The following MAPK8IP2 variants were observed in gnomAD, a reference collection of about 807,000 sequenced individuals.
The protein encoded by MAPK8IP2 is C-Jun-amino-terminal kinase-interacting protein 2.
MAPK8IP2 carries 15 observed loss-of-function variants against 75.6 expected under a neutral mutation model. The observed-to-expected ratio is 0.20, with a 90% CI of 0.13 to 0.31. The LOEUF (loss-of-function observed/expected upper bound fraction) is 0.31, where lower values mean the gene tolerates loss of function less well. MAPK8IP2 is among the 10% of genes least tolerant of loss of function. The pLI is 1.00. For missense variants in MAPK8IP2, 1,089 were observed against 1,211.2 expected (o/e 0.90, Z 1.50); for synonymous variants, 632 against 554.5 (o/e 1.14, Z -1.96).
intron 10 of MAPK8IP2, among the ~76,000 whole-genome samples, chr22:50,609,457 C>A (rs1307141301): frequency 6.6e-6 from 1 of 152,154 alleles, no homozygotes; most frequent in South Asian, 2.1e-4. Context: ...GACTTGAACG[C>A]GGCATTTGAG....
chr22:50,605,503 C>A, intron 6 of MAPK8IP2, 59 bp from the exon 7 acceptor site: 2 of 1,606,794 alleles, frequency 1.2e-6, no homozygotes, highest in Non-Finnish European at 8.5e-7. Flanking sequence ...TCACGGAACG[C>A]CAGTGGACAC....
chr22:50,610,119 C>T lies in MAPK8IP2; in HGVS notation c.2304-93C>T. On this transcript the variant is annotated intron_variant, in intron 10 of 11. Transcript: ENST00000329492. This position sits in a 1 kb window ranked among gnomAD's most constrained non-coding sequence, Gnocchi z 4.3. ...CCTGTCCCTTACCCTCTCCCCAAGCCCTTTGTTCCTGCCTCTTCTCTCTAC... is the reference window on the plus strand; with the variant it reads ...CCTGTCCCTTACCCTCTCCCCAAGCTCTTTGTTCCTGCCTCTTCTCTCTAC... 4.5e-6 allele frequency: 4 copies of T among 886,948 alleles called. No individual in the cohort carries two copies. The highest frequency in any genetic ancestry group is 4.2e-5 in the South Asian group (3 of 70,876). The allele number at this position is 886,948 out of a possible 1,614,324, so 54.9% of individuals were successfully genotyped here. A position where few individuals can be genotyped will look rare whatever the true frequency, so the allele number is the denominator to read the frequency against.
chr22:50,603,805 G>C lies in MAPK8IP2; in HGVS notation c.542-36G>C, dbSNP rs2070984792. On this transcript the variant is annotated intron_variant, in intron 4 of 11. Transcript: ENST00000329492. ...CTGGCTGCTGGAAGAGGCCTGGGTG[G>C]TGCAGAGAGGGTGACCCCACCTCCC... 3.3e-6 allele frequency: 5 copies of C among 1,529,280 alleles called. No homozygotes were observed. In the South Asian group the frequency reaches 4.9e-5, roughly 15 times the overall value. 94.7% of individuals were successfully genotyped at this position (1,529,280 alleles called of 1,614,324 possible).
Position 50,604,157 on chromosome 22 carries a change from C to T in MAPK8IP2, c.858C>T (p.Ser286=), listed in dbSNP as rs2070996264. The T allele has an allele frequency of 1.9e-6, 3 of 1,552,204 alleles. No individual in the cohort carries two copies. The highest frequency in any genetic ancestry group is 8.6e-7 in the Non-Finnish European group (1 of 1,157,850). ...TGAGCAGCGATGGCGGAAGCAGCAGCAGCGGCCGCTCCTCGCACCTCACCA... is the reference window on the plus strand; with the variant it reads ...TGAGCAGCGATGGCGGAAGCAGCAGTAGCGGCCGCTCCTCGCACCTCACCA... The part of the protein sequence containing the change: ...LELSSDGGSS[S]SGRSSHLTNS... Residue 286 remains serine (S), a synonymous_variant, in exon 5 of 12, where the codon AGC becomes AGT. Coordinates refer to ENST00000329492, the MANE Select transcript of MAPK8IP2 (RefSeq NM_012324.6).
chr22:50,607,561 G>T lies in MAPK8IP2; in HGVS notation c.2303+570G>T, dbSNP rs1368094614. 6.6e-6 allele frequency among the ~76,000 whole-genome samples: 1 copy of T among 152,118 alleles called. No homozygotes were observed. Among genetic ancestry groups the T allele is most frequent in the Non-Finnish European group, 1.5e-5 (1 of 67,996 alleles). On this transcript the variant is annotated intron_variant, in intron 10 of 11. Coordinates refer to ENST00000329492, the MANE Select transcript of MAPK8IP2 (RefSeq NM_012324.6). This position sits in a 1 kb window ranked among gnomAD's most constrained non-coding sequence, Gnocchi z 5.6. ...TGGGGGCTGCTGAGGTTATACAGGT[G>T]CTATGTCCTGAGACCAAGTGTGCAG...
Position 50,605,024 on chromosome 22 carries a change from G to A in MAPK8IP2, c.1725G>A (p.Lys575=), listed in dbSNP as rs757641767. 3.1e-6 allele frequency: 5 copies of A among 1,612,594 alleles called. No individual in the cohort carries two copies. The African/African-American group carries it at 5.3e-5, about 17-fold the overall frequency. The change falls in exon 5 of 12, where the codon AAG becomes AAA. Residue 575 remains lysine (K), a synonymous_variant. Transcript: ENST00000329492. ...GCCCTGACCTCACTTTCTCCAAGAA[G>A]TTCCTCAATGTCTTCGTCAACAGCA... ...PDSPDLTFSK[K]FLNVFVNSTS...
rs1207449441 is a variant in MAPK8IP2 at position 50,612,404 on chromosome 22, A to G, written c.*1625A>G. 1 of 152,150 alleles carries G rather than the reference A, an allele frequency of 6.6e-6. No individual in the cohort carries two copies. Among genetic ancestry groups the G allele is most frequent in the Non-Finnish European group, 1.5e-5 (1 of 68,014 alleles). 9.4% of individuals were successfully genotyped at this position (152,150 alleles called of 1,614,324 possible). On this transcript the variant is annotated 3_prime_UTR_variant, in exon 12 of 12. Coordinates refer to ENST00000329492, the MANE Select transcript of MAPK8IP2 (RefSeq NM_012324.6). ...AGGATTCGTGCAACACCAGGAAGAC[A>G]ACAGTTGAAGGTTCCTTAGTGAGCT... is the stretch of plus-strand genomic sequence containing the variant.
At chr22:50,609,102 C>T (rs754002128) in intron 10 of MAPK8IP2, among the ~76,000 whole-genome samples, 2 of 152,170 alleles carry the variant, frequency 1.3e-5, no homozygotes, top group East Asian at 1.9e-4. Context: ...CCCCCGTCCC[C>T]GGTCCCTTGC....
intron 10 of MAPK8IP2, chr22:50,609,844 G>C (rs1017796135): frequency 1.2e-5 from 6 of 518,070 alleles, no homozygotes; most frequent in South Asian, 4.3e-5. Context: ...AGGCCCGCAG[G>C]AGGAGGCCTG....
chr22:50,601,518 GGAGGAGA>G (rs1163205213), intron 1 of MAPK8IP2: 43 of 425,072 alleles, frequency 1.0e-4, no homozygotes, highest in Non-Finnish European at 1.8e-4. Flanking sequence ...GCGAGTGGAG[GGAGGAGA>G]GGCTGCTGGC....
intron 1 of MAPK8IP2, chr22:50,601,454 T>TGGAG: frequency 4.0e-6 from 1 of 252,828 alleles, no homozygotes; most frequent in Non-Finnish European, 7.9e-6. Context: ...CGCTGCCGCG[T>TGGAG]TGCAGCTCCC....
chr22:50,606,836 G>T, intron 9 of MAPK8IP2, 71 bp downstream of exon 9: 2 of 1,594,044 alleles, frequency 1.3e-6, no homozygotes, highest in East Asian at 4.5e-5. Context: ...ACGGGGCCAG[G>T]CTGGCAGGGG....
rs2070946068 is a variant in MAPK8IP2, at chr22:50,601,996, TG to T, written c.171+103del. The T allele has an allele frequency of 6.6e-6, 6 of 902,942 alleles. No individual in the cohort carries two copies. The Admixed American group carries it at 1.2e-4, about 17-fold the overall frequency. 55.9% of individuals were successfully genotyped at this position (902,942 alleles called of 1,614,324 possible). On this transcript the variant is annotated intron_variant, in intron 2 of 11. Transcript: ENST00000329492. ...TTTAGGGTGGGTGTGAGCTCAGCCT[TG>T]AACCGGGGACTCCTCTGATGGCTCC...
Position 50,606,944 on chromosome 22 carries a change from C to T in MAPK8IP2, c.2256C>T (p.Phe752=), listed in dbSNP as rs1258334774. 6.2e-7 allele frequency: 1 copy of T among 1,613,796 alleles called. No individual in the cohort carries two copies. The highest frequency in any genetic ancestry group is 2.2e-5 in the East Asian group (1 of 44,890). ...AGTTCCAGCGCTGCAGCCATTTCTTCCAGATGAAGAACATCTCCTTCTGCG... is the reference window on the plus strand; with the variant it reads ...AGTTCCAGCGCTGCAGCCATTTCTTTCAGATGAAGAACATCTCCTTCTGCG... ...GPEFQRCSHF[F]QMKNISFCGC... is the part of the protein sequence containing the mutation. The change falls in exon 10 of 12, where the codon TTC becomes TTT. Residue 752 remains phenylalanine (F), a synonymous_variant. Transcript: ENST00000329492.
In MAPK8IP2 at chr22:50,603,909, TGCGACTGCGAAGGGAA is replaced by T. The variant is rs770225116; in HGVS notation, c.611_626del (p.Cys204SerfsTer24). ...GGCGCAGTCGCCAGTGCGCCCGGGT[TGCGACTGCGAAGGGAA>T]CCGGCCTGCGGAACCCCCTGCGCCA... On this transcript the variant is annotated frameshift_variant, in exon 5 of 12. Transcript: ENST00000329492. LOFTEE classifies it high-confidence loss of function. 4.2e-5 allele frequency: 64 copies of T among 1,537,362 alleles called. No homozygotes were observed. Among genetic ancestry groups the T allele is most frequent in the Non-Finnish European group, 5.4e-5 (62 of 1,145,224 alleles).
intron 2 of MAPK8IP2, chr22:50,603,009 C>T (rs2070962138): frequency 6.3e-6 from 6 of 954,128 alleles, no homozygotes; most frequent in Non-Finnish European, 9.0e-6. Context: ...CCCTGTCATT[C>T]AGCTGTAGAG....
intron 1 of MAPK8IP2, chr22:50,601,575 G>A: frequency 1.9e-6 from 1 of 536,010 alleles, no homozygotes; most frequent in South Asian, 2.2e-5. Context: ...GGGCAGGGTT[G>A]GCTCCTCCGG....
Position 50,610,355 on chromosome 22 carries a change from A to ACGGAGGTGGGGAG in MAPK8IP2, c.2402+54_2402+66dup, listed in dbSNP as rs762915005. 4.7e-6 allele frequency: 7 copies of ACGGAGGTGGGGAG among 1,495,044 alleles called. No individual in the cohort carries two copies. The African/African-American group carries it at 9.7e-5, about 21-fold the overall frequency. The allele number at this position is 1,495,044 out of a possible 1,614,324, so 92.6% of individuals were successfully genotyped here. A position where few individuals can be genotyped will look rare whatever the true frequency, so the allele number is the denominator to read the frequency against. ...GTGGGTGCAGAATGGGTGCAGGGTT[A>ACGGAGGTGGGGAG]CGGAGGTGGGGAGCGGAGGTGAGCA... On this transcript the variant is annotated intron_variant, in intron 11 of 11. Coordinates refer to ENST00000329492, the MANE Select transcript of MAPK8IP2 (RefSeq NM_012324.6). The surrounding 1 kb of genome is among the most constrained non-coding windows in gnomAD (Gnocchi z 4.3).
In MAPK8IP2 at chr22:50,603,956, G is replaced by A. The variant is rs562275725; in HGVS notation, c.657G>A (p.Gly219=). The A allele has an allele frequency of 5.2e-6, 8 of 1,549,450 alleles. No homozygotes were observed. Among genetic ancestry groups the A allele is most frequent in the Non-Finnish European group, 6.9e-6 (8 of 1,153,084 alleles). Residue 219 remains glycine, a synonymous_variant, in exon 5 of 12, where the codon GGG becomes GGA. Transcript: ENST00000329492. ...NRPAEPPAPG[G]TSPSSDPGIE... ...CTGCGGAACCCCCTGCGCCAGGGGG[G>A]ACTTCGCCCTCCTCAGATCCCGGCA...
Sources: gnomAD v4.1 joint callset for allele counts (sites outside exome capture counted in the v4.1 genomes callset) on GRCh38, gnomAD v4.1.1 for gene constraint, Gnocchi (gnomAD v3.1) non-coding constraint, MANE v1.5 for transcripts, NCBI Gene and HGNC (gene_info 2026-07-23, HGNC 2026-07-21) for gene names.